Variants in SPPL3 observed in about 807,000 individuals in gnomAD.
SPPL3 encodes the protein signal peptide peptidase like 3.
A neutral mutation model predicts 42.4 loss-of-function variants in SPPL3; 5 were observed. That is an observed-to-expected ratio of 0.12 (90% CI 0.06 to 0.25). The LOEUF (loss-of-function observed/expected upper bound fraction) is 0.25. Ranked by LOEUF, SPPL3 falls within the 10% of genes least tolerant of loss-of-function variation. SPPL3 has a pLI of 1.00. For missense variants in SPPL3, 235 were observed against 489.0 expected, an observed-to-expected ratio of 0.48 and a Z score of 4.90; for synonymous variants, 195 against 181.8, an observed-to-expected ratio of 1.07 and a Z score of -0.58.
chr12:120,866,969 T>C (rs1872773006), intron 1 of SPPL3, among the ~76,000 whole-genome samples: 3 of 152,202 alleles, frequency 2.0e-5, no homozygotes. Flanking sequence ...TAAGGAACGT[T>C]TTTTAAAACA....
intron 2 of SPPL3, among the ~76,000 whole-genome samples, chr12:120,793,105 A>C (rs1370769358): frequency 6.6e-6 from 1 of 152,264 alleles, no homozygotes; most frequent in Non-Finnish European, 1.5e-5. Flanking sequence ...CTGATTTTAA[A>C]ATGAACAAAG....
At chr12:120,820,953 G>A (rs1238917332) in intron 1 of SPPL3, among the ~76,000 whole-genome samples, 1 of 151,764 alleles carries the variant, frequency 6.6e-6, no homozygotes, top group Non-Finnish European at 1.5e-5. Context: ...TATTATCCCT[G>A]CATTATCACA....
intron 3 of SPPL3, among the ~76,000 whole-genome samples, chr12:120,789,027 GTTC>G (rs1164547346): frequency 1.3e-5 from 2 of 152,142 alleles, no homozygotes; most frequent in Non-Finnish European, 2.9e-5. Context: ...TCTTCATTAT[GTTC>G]TTCTTTGAGG....
intron 1 of SPPL3, among the ~76,000 whole-genome samples, chr12:120,862,850 G>A (rs1388464510): frequency 6.6e-6 from 1 of 152,066 alleles, no homozygotes; most frequent in African/African-American, 2.4e-5. Context: ...CCCTCTATTG[G>A]TTCTTCTAGC....
chr12:120,815,931 C>T (rs1870858235), intron 1 of SPPL3, among the ~76,000 whole-genome samples: 1 of 151,882 alleles, frequency 6.6e-6, no homozygotes, highest in African/African-American at 2.4e-5. Context: ...GGTTTTGTCA[C>T]GTTGCCCAGG....
chr12:120,893,435 CCTTA>C (rs1873708392), intron 1 of SPPL3, among the ~76,000 whole-genome samples: 3 of 152,220 alleles, frequency 2.0e-5, no homozygotes, highest in African/African-American at 7.2e-5. Context: ...CAATTATCTC[CCTTA>C]TTTATAAAAA....
intron 6 of SPPL3, among the ~76,000 whole-genome samples, chr12:120,778,924 T>C (rs1025848500): frequency 1.3e-5 from 2 of 152,158 alleles, no homozygotes; most frequent in Non-Finnish European, 2.9e-5. Context: ...TCTATCCAAA[T>C]TGACCAGAAC....
At chr12:120,890,014 C>T (rs1196292816) in intron 1 of SPPL3, among the ~76,000 whole-genome samples, 2 of 144,816 alleles carry the variant, frequency 1.4e-5, no homozygotes, top group African/African-American at 5.1e-5. Context: ...GGGAGGCCAA[C>T]GTGGGTGGAT....
rs180930461 is a variant in SPPL3, at chr12:120,859,388, A to G, written c.23+44457T>C. Among the ~76,000 whole-genome samples the G allele has an allele frequency of 1.7e-3, 261 of 152,338 alleles. 2 individuals are homozygous for G. Among genetic ancestry groups the G allele is most frequent in the African/African-American group, 6.0e-3 (251 of 41,586 alleles). On this transcript the variant is annotated intron_variant, in intron 1 of 10. Coordinates refer to ENST00000353487, the MANE Select transcript of SPPL3 (RefSeq NM_139015.5). ...GAGAGAAAAAATTAAAAATGCTTACATACCTTCCTTATAAGACAAAGATGA... is the reference window on the plus strand; with the variant it reads ...GAGAGAAAAAATTAAAAATGCTTACGTACCTTCCTTATAAGACAAAGATGA...
At chr12:120,775,404 C>T (rs1019517522) in intron 6 of SPPL3, among the ~76,000 whole-genome samples, 3 of 152,162 alleles carry the variant, frequency 2.0e-5, no homozygotes, top group Non-Finnish European at 1.5e-5. Flanking sequence ...TGCCCACCTT[C>T]GCCTCCCAAA....
chr12:120,852,885 T>TGAAATACAC (rs1412738819), intron 1 of SPPL3, among the ~76,000 whole-genome samples: 1 of 109,434 alleles, frequency 9.1e-6, no homozygotes, highest in Non-Finnish European at 1.7e-5. Flanking sequence ...ATATCATATA[T>TGAAATACAC]ATTTCATATA....
chr12:120,809,084 G>C (rs1220277012), intron 2 of SPPL3, among the ~76,000 whole-genome samples: 1 of 152,178 alleles, frequency 6.6e-6, no homozygotes, highest in Non-Finnish European at 1.5e-5. Context: ...AGTGGCTCAC[G>C]CCTGTAATCC....
intron 2 of SPPL3, among the ~76,000 whole-genome samples, chr12:120,798,832 T>C (rs577466212): frequency 6.6e-6 from 1 of 152,284 alleles, no homozygotes; most frequent in South Asian, 2.1e-4. Flanking sequence ...TCTGTTGGCA[T>C]TATATCGCTA....
chr12:120,875,464 C>T (rs1419761606), intron 1 of SPPL3, among the ~76,000 whole-genome samples: 5 of 151,854 alleles, frequency 3.3e-5, no homozygotes, highest in Non-Finnish European at 7.4e-5. Context: ...CCCATCTCTA[C>T]TAAAAATGCA....
chr12:120,853,552 A>T (rs1872333184), intron 1 of SPPL3, among the ~76,000 whole-genome samples: 2 of 152,214 alleles, frequency 1.3e-5, no homozygotes, highest in South Asian at 4.1e-4. Flanking sequence ...TAAGAAGAAG[A>T]TATGATGCAC....
rs140785276 is a variant in SPPL3 at position 120,879,741 on chromosome 12, A to G, written c.23+24104T>C. ...ACTCATTAACTATAAAATCTTGGGT[A>G]AGTAATCAGTTTTTCATCTGTAAAA... is the stretch of plus-strand genomic sequence containing the variant. On this transcript the variant is annotated intron_variant, in intron 1 of 10. Coordinates refer to ENST00000353487, the MANE Select transcript of SPPL3 (RefSeq NM_139015.5). Among the ~76,000 whole-genome samples, 692 of 152,228 alleles carry G rather than the reference A, an allele frequency of 4.5e-3. 8 individuals are homozygous for G. The highest frequency in any genetic ancestry group is 5.1e-3 in the Non-Finnish European group (349 of 68,026).
intron 2 of SPPL3, among the ~76,000 whole-genome samples, chr12:120,802,371 A>G (rs1376275492): frequency 7.0e-6 from 1 of 142,196 alleles, no homozygotes; most frequent in Non-Finnish European, 1.5e-5. Flanking sequence ...ATATATATAC[A>G]TATATATGTA....
intron 1 of SPPL3, among the ~76,000 whole-genome samples, chr12:120,843,076 AC>A (rs1212260705): frequency 3.3e-5 from 5 of 152,192 alleles, no homozygotes; most frequent in Non-Finnish European, 5.9e-5. Flanking sequence ...GAATGCAGAT[AC>A]AAGAGGACCT....
At position 120,904,226 on chromosome 12, in the gene SPPL3, G is replaced by A. The variant is rs1182657113; in HGVS notation, c.-359C>T. 1 of 207,540 alleles carries A rather than the reference G, an allele frequency of 4.8e-6. No homozygotes were observed. The highest frequency in any genetic ancestry group is 9.4e-6 in the Non-Finnish European group (1 of 106,262). 12.9% of individuals were successfully genotyped at this position (207,540 alleles called of 1,614,324 possible). On this transcript the variant is annotated 5_prime_UTR_variant, in exon 1 of 11. Coordinates refer to ENST00000353487, the MANE Select transcript of SPPL3 (RefSeq NM_139015.5). Reference sequence around the variant, plus strand: ...GACGGGCCCGCGCTCACTGCGCGCGGGGCCGCGGGAGCGCCGCGCTCGGGC... The same window carrying A: ...GACGGGCCCGCGCTCACTGCGCGCGAGGCCGCGGGAGCGCCGCGCTCGGGC...
Sources: gnomAD v4.1 joint callset for allele counts (sites outside exome capture counted in the v4.1 genomes callset) on GRCh38, gnomAD v4.1.1 for gene constraint, MANE v1.5 for transcripts, NCBI Gene and HGNC (gene_info 2026-07-23, HGNC 2026-07-21) for gene names.